The following RSPO1 variants were observed in gnomAD, a reference collection of about 807,000 sequenced individuals.
RSPO1 encodes the protein R-spondin 1, also known as R-spondin-1.
In RSPO1, 18 loss-of-function variants were observed where a neutral mutation model predicts 26.0. The ratio of observed to expected loss-of-function variants is 0.69; its 90% CI spans 0.48 to 1.03. The LOEUF (loss-of-function observed/expected upper bound fraction) is 1.03, where lower values mean the gene tolerates loss of function less well. RSPO1 is among the 50% of genes least tolerant of loss of function. RSPO1 has a pLI of 0.00. For synonymous variants in RSPO1, 133 were observed against 137.4 expected (o/e 0.97, Z 0.22); for missense variants, 309 against 352.3 (o/e 0.88, Z 0.98).
rs544012878 is a variant in RSPO1, at chr1:37,629,831, G to T, written c.-170C>A. Reference sequence around the variant, plus strand: ...GCTGGGGACAGAGAGGGTGTGGGGAGCCCAGTTCTCCATCAGCTCAAAGGG... The same window carrying T: ...GCTGGGGACAGAGAGGGTGTGGGGATCCCAGTTCTCCATCAGCTCAAAGGG... On this transcript the variant is annotated 5_prime_UTR_variant, in exon 3 of 7. Coordinates refer to ENST00000356545, the MANE Select transcript of RSPO1 (RefSeq NM_001242908.2). 1.7e-5 allele frequency: 27 copies of T among 1,550,966 alleles called. No homozygotes were observed. In the East Asian group the frequency reaches 2.9e-4, roughly 17 times the overall value.
intron 5 of RSPO1, 140 bp downstream of exon 5, chr1:37,614,044 C>T: frequency 7.5e-7 from 1 of 1,327,586 alleles, no homozygotes. Context: ...GCAGAAAAGT[C>T]CTTGGAGACT....
intron 3 of RSPO1, among the ~76,000 whole-genome samples, chr1:37,625,813 G>C (rs925668474): frequency 1.3e-5 from 2 of 152,014 alleles, no homozygotes; most frequent in Non-Finnish European, 2.9e-5. Flanking sequence ...CAAGTAGCCA[G>C]GACTACAGGT....
chr1:37,628,663 C>T (rs1644313400), intron 3 of RSPO1, among the ~76,000 whole-genome samples: 1 of 152,226 alleles, frequency 6.6e-6, no homozygotes, highest in South Asian at 2.1e-4. Flanking sequence ...ACTGGGGCCC[C>T]ATCACTGGAG....
At chr1:37,621,405 G>T (rs1644200842) in intron 3 of RSPO1, among the ~76,000 whole-genome samples, 2 of 152,290 alleles carry the variant, frequency 1.3e-5, no homozygotes, top group South Asian at 4.1e-4. Context: ...AAGACTCCCA[G>T]GCTAGAACTC....
rs754176951 is a variant in RSPO1, at chr1:37,616,617, G to A, written c.153C>T (p.Asn51=). The change falls in exon 4 of 7, where the codon AAC becomes AAT. Residue 51 remains asparagine, a synonymous_variant. Transcript: ENST00000356545. ...GCTTGGGTGAGCACTTGAGGCAGCC[G>A]TTGACTTCAGAGCAGAGCTCACAGC... ...AKGCELCSEV[N]GCLKCSPKLF... The A allele has an allele frequency of 2.3e-5, 37 of 1,613,994 alleles. No individual in the cohort carries two copies. Among genetic ancestry groups the A allele is most frequent in the East Asian group, 1.3e-4 (6 of 44,896 alleles).
chr1:37,614,483 T>C (rs1644080979), intron 4 of RSPO1, 150 bp from the exon 5 acceptor site: 1 of 884,206 alleles, frequency 1.1e-6, no homozygotes. Flanking sequence ...AGAGGAATCT[T>C]GGGAGGAAAG....
chr1:37,627,639 G>A (rs1003792969), intron 3 of RSPO1, among the ~76,000 whole-genome samples: 11 of 142,530 alleles, frequency 7.7e-5, no homozygotes, highest in Non-Finnish European at 1.5e-4. Context: ...GACAGAGCAA[G>A]ACTCCATCAC....
intron 3 of RSPO1, among the ~76,000 whole-genome samples, chr1:37,623,443 G>A (rs781515686): frequency 6.6e-6 from 1 of 152,122 alleles, no homozygotes; most frequent in Non-Finnish European, 1.5e-5. Flanking sequence ...CACCCGGGAC[G>A]AGGGAGGCAG....
intron 3 of RSPO1, among the ~76,000 whole-genome samples, chr1:37,619,425 T>C (rs1181467163): frequency 1.3e-5 from 2 of 152,166 alleles, no homozygotes; most frequent in Admixed American, 6.5e-5. Context: ...GGATGTCGTG[T>C]GCTTCCCTGA....
chr1:37,614,819 A>G (rs1240602196), intron 4 of RSPO1, among the ~76,000 whole-genome samples: 1 of 152,192 alleles, frequency 6.6e-6, no homozygotes, highest in African/African-American at 2.4e-5. Context: ...CAATGTCCCA[A>G]ACTGTGGTTC....
At chr1:37,632,457 T>G (rs4653308) in intron 1 of RSPO1, 104 bp from the exon 2 acceptor site, 151,633 of 152,310 alleles carry the variant, frequency 1, 75,483 homozygotes, top group Middle Eastern at 1. Context: ...TTTTTGAAAA[T>G]GTACATATAG....
intron 4 of RSPO1, among the ~76,000 whole-genome samples, chr1:37,615,827 G>C (rs1023555129): frequency 6.6e-6 from 1 of 152,244 alleles, no homozygotes; most frequent in Non-Finnish European, 1.5e-5. Context: ...AGAGAAGAGA[G>C]TGGAAGAGCA....
intron 1 of RSPO1, among the ~76,000 whole-genome samples, chr1:37,633,834 C>T (rs1644397152): frequency 6.6e-6 from 1 of 152,214 alleles, no homozygotes; most frequent in South Asian, 2.1e-4. Flanking sequence ...TTCCCTCCCC[C>T]ACCATCCCGC....
At chr1:37,619,040 G>A (rs1321108931) in intron 3 of RSPO1, among the ~76,000 whole-genome samples, 1 of 152,132 alleles carries the variant, frequency 6.6e-6, no homozygotes, top group Non-Finnish European at 1.5e-5. Context: ...TGGCTGACAT[G>A]GCAAAACCCC....
chr1:37,630,898 C>G (rs1029546307), intron 2 of RSPO1, among the ~76,000 whole-genome samples: 2 of 152,318 alleles, frequency 1.3e-5, no homozygotes, highest in Admixed American at 1.3e-4. Flanking sequence ...CTGTAGATGC[C>G]AGGGAGCCAT....
At chr1:37,617,098 GACCACCT>G (rs1374058477) in intron 3 of RSPO1, among the ~76,000 whole-genome samples, 1 of 152,128 alleles carries the variant, frequency 6.6e-6, no homozygotes, top group East Asian at 1.9e-4. Context: ...AATAGAAAAG[GACCACCT>G]ACCCAGAAAC....
intron 3 of RSPO1, among the ~76,000 whole-genome samples, chr1:37,619,440 G>A (rs1032646669): frequency 2.0e-4 from 30 of 152,214 alleles, no homozygotes; most frequent in African/African-American, 6.8e-4. Flanking sequence ...CCCTGAAAAG[G>A]GGAGATAAGG....
At chr1:37,633,182 A>G (rs4311850) in intron 1 of RSPO1, among the ~76,000 whole-genome samples, 152,345 of 152,364 alleles carry the variant, frequency 1, 76,163 homozygotes, top group Non-Finnish European at 1. Context: ...CTGGCCCTGA[A>G]TGGTTAAGTG....
chr1:37,614,808 G>A (rs980769482), intron 4 of RSPO1, among the ~76,000 whole-genome samples: 3 of 152,220 alleles, frequency 2.0e-5, no homozygotes, highest in African/African-American at 7.2e-5. Context: ...CTGGGCATCT[G>A]CAATGTCCCA....
Sources: allele counts gnomAD v4.1 joint callset (sites outside exome capture counted in the v4.1 genomes callset), GRCh38; gene constraint gnomAD v4.1.1; transcripts MANE v1.5; gene names NCBI Gene and HGNC (gene_info 2026-07-23, HGNC 2026-07-21).